Variants in FAT4 observed in about 807,000 individuals in gnomAD.
FAT4 encodes the protein FAT atypical cadherin 4.
A neutral mutation model predicts 303.9 loss-of-function variants in FAT4; 84 were observed. That is an observed-to-expected ratio of 0.28 (90% CI 0.23 to 0.33). The LOEUF is 0.33. Ranked by LOEUF, FAT4 falls within the 10% of genes least tolerant of loss-of-function variation. The pLI, the probability that FAT4 is intolerant of heterozygous loss-of-function variation, is 1.00. For missense variants in FAT4, 6,005 were observed against 6,146.8 expected, an observed-to-expected ratio of 0.98 and a Z score of 0.77; for synonymous variants, 2,307 against 2,298.8, an observed-to-expected ratio of 1.00 and a Z score of -0.10.
intron 2 of FAT4, among the ~76,000 whole-genome samples, chr4:125,364,192 T>C (rs1732776124): frequency 1.3e-5 from 2 of 152,062 alleles, no homozygotes. Context: ...GCTTCCCCTC[T>C]TTCATCCTCC....
At chr4:125,384,234 A>T (rs540039640) in intron 2 of FAT4, among the ~76,000 whole-genome samples, 1 of 152,332 alleles carries the variant, frequency 6.6e-6, no homozygotes, top group South Asian at 2.1e-4. Context: ...TAACATATTG[A>T]GGAACTGCCA....
chr4:125,407,257 A>G (rs1734655563), intron 4 of FAT4, 116 bp downstream of exon 4: 3 of 853,746 alleles, frequency 3.5e-6, no homozygotes, highest in Non-Finnish European at 5.5e-6. Flanking sequence ...ACTACTAGTT[A>G]TAAAAATATA....
chr4:125,395,066 A>T (rs1273624609), intron 2 of FAT4, among the ~76,000 whole-genome samples: 1 of 152,196 alleles, frequency 6.6e-6, no homozygotes, highest in African/African-American at 2.4e-5. Flanking sequence ...TTCTTGGTAG[A>T]TAAAACCATG....
intron 2 of FAT4, chr4:125,393,972 G>A (rs1490414233): frequency 3.8e-6 from 3 of 780,124 alleles, no homozygotes; most frequent in Non-Finnish European, 7.2e-6. Flanking sequence ...TGATACCTTA[G>A]CTCAACCATT....
chr4:125,401,490 C>T (rs1156857894), intron 3 of FAT4, among the ~76,000 whole-genome samples: 2 of 151,952 alleles, frequency 1.3e-5, no homozygotes, highest in South Asian at 2.1e-4. Context: ...TTATGTAGGT[C>T]ATCAGCCAAT....
At chr4:125,440,604 T>TGA (rs1263364626) in intron 8 of FAT4, among the ~76,000 whole-genome samples, 64 of 35,588 alleles carry the variant, frequency 1.8e-3, no homozygotes, top group African/African-American at 5.5e-3. Flanking sequence ...TGTGTGTGTG[T>TGA]GTGTGTGAGA....
In FAT4 at chr4:125,415,343, C is replaced by A; in HGVS notation, c.6380C>A (p.Thr2127Lys). ...VSNYTLTVVA[T>K]DKGQPSLSSS... ...AATTATACTCTAACAGTGGTGGCTA[C>A]AGACAAAGGTCAACCATCTCTCTCT... The change falls in exon 6 of 18, where the codon ACA becomes AAA. Residue 2127 changes from threonine (T) to lysine (K), a missense_variant. Thr to Lys is a moderately conservative substitution (Grantham distance 78, BLOSUM62 -1). Coordinates refer to ENST00000394329, the MANE Select transcript of FAT4 (RefSeq NM_001291303.3). 1 of 1,614,014 alleles carries A rather than the reference C, an allele frequency of 6.2e-7. No homozygotes were observed. The highest frequency in any genetic ancestry group is 8.5e-7 in the Non-Finnish European group (1 of 1,179,962).
chr4:125,381,986 A>G (rs1733559581), intron 2 of FAT4, among the ~76,000 whole-genome samples: 1 of 152,200 alleles, frequency 6.6e-6, no homozygotes, highest in African/African-American at 2.4e-5. Flanking sequence ...TTCTAGTTTT[A>G]TCTTGTGACT....
chr4:125,416,672 A>T (rs762252931), intron 7 of FAT4, 50 bp downstream of exon 7: 5 of 1,584,770 alleles, frequency 3.2e-6, no homozygotes. Flanking sequence ...TAGGCCAGGC[A>T]CGGTGGCTCA....
At position 125,422,298 on chromosome 4, in the gene FAT4, G is replaced by A. The variant is rs555604437; in HGVS notation, c.7018+5676G>A. ...AATCAAACTATGGTGCTAATTTAAT[G>A]CACTTTATAAATAAGTTCTGATTAC... On this transcript the variant is annotated intron_variant, in intron 7 of 17. Coordinates refer to ENST00000394329, the MANE Select transcript of FAT4 (RefSeq NM_001291303.3). 3.9e-5 allele frequency among the ~76,000 whole-genome samples: 6 copies of A among 152,256 alleles called. No homozygotes were observed. In the South Asian group the frequency reaches 1.0e-3, roughly 26 times the overall value.
chr4:125,408,160 G>T (rs937678954), intron 4 of FAT4, among the ~76,000 whole-genome samples: 2 of 152,038 alleles, frequency 1.3e-5, no homozygotes, highest in Non-Finnish European at 2.9e-5. Context: ...TTTATGGATA[G>T]GTACTGCTAG....
chr4:125,315,481 G>C lies in FAT4; in HGVS notation c.-509G>C, dbSNP rs1023676454. Among the ~76,000 whole-genome samples the C allele has an allele frequency of 6.6e-6, 1 of 152,218 alleles. No individual in the cohort carries two copies. Among genetic ancestry groups the C allele is most frequent in the Non-Finnish European group, 1.5e-5 (1 of 68,050 alleles). ...TGGCATGGTGAGGGGAGGGCGACTCGGGGACCGCACGCTGTTTCTGCCCGA... is the reference window on the plus strand; with the variant it reads ...TGGCATGGTGAGGGGAGGGCGACTCCGGGACCGCACGCTGTTTCTGCCCGA... On this transcript the variant is annotated 5_prime_UTR_variant, in exon 1 of 18. Transcript: ENST00000394329.
intron 2 of FAT4, among the ~76,000 whole-genome samples, chr4:125,357,767 G>A (rs1732491977): frequency 6.6e-6 from 1 of 152,092 alleles, no homozygotes. Context: ...CTTTACAAAG[G>A]GCTCAGACCT....
At chr4:125,344,814 C>A (rs1578542828) in intron 2 of FAT4, among the ~76,000 whole-genome samples, 1 of 152,028 alleles carries the variant, frequency 6.6e-6, no homozygotes, top group East Asian at 1.9e-4. Context: ...AACTGTCCCC[C>A]CTGCCCCCCA....
chr4:125,425,719 G>A (rs1230454751), intron 7 of FAT4, among the ~76,000 whole-genome samples: 1 of 152,004 alleles, frequency 6.6e-6, no homozygotes, highest in Non-Finnish European at 1.5e-5. Flanking sequence ...ATTGAATTTG[G>A]GGGTAGGAGA....
In FAT4 at chr4:125,446,338, G is replaced by T. The variant is rs752651207; in HGVS notation, c.7245G>T (p.Ser2415=). 1.7e-5 allele frequency: 27 copies of T among 1,613,012 alleles called. No individual in the cohort carries two copies. The highest frequency in any genetic ancestry group is 2.2e-5 in the Non-Finnish European group (26 of 1,179,258). ...ACTCTCAGTTCACGATCAACCCATC[G>T]ACAGGACAAATCATCACCAGCGCAT... The part of the protein sequence containing the change: ...GGNSQFTINP[S]TGQIITSALL... The change falls in exon 9 of 18, where the codon TCG becomes TCT. Residue 2415 remains serine (S), a synonymous_variant. Coordinates refer to ENST00000394329, the MANE Select transcript of FAT4 (RefSeq NM_001291303.3).
chr4:125,360,912 TATTA>T (rs903785429), intron 2 of FAT4, among the ~76,000 whole-genome samples: 5 of 142,180 alleles, frequency 3.5e-5, no homozygotes, highest in Non-Finnish European at 7.7e-5. Flanking sequence ...TTTATTTATT[TATTA>T]TTTATTTTAT....
intron 7 of FAT4, among the ~76,000 whole-genome samples, chr4:125,429,730 A>G (rs1444514217): frequency 1.3e-5 from 2 of 152,296 alleles, no homozygotes; most frequent in Middle Eastern, 3.4e-3. Flanking sequence ...ATTTAGATAT[A>G]AATATATGAG....
Position 125,490,402 on chromosome 4 carries a change from A to C in FAT4, c.13586A>C (p.Asn4529Thr). 2 of 1,614,072 alleles carry C rather than the reference A, an allele frequency of 1.2e-6. No homozygotes were observed. The highest frequency in any genetic ancestry group is 1.6e-4 in the Middle Eastern group (1 of 6,062). Residue 4529 changes from asparagine (N) to threonine (T), a missense_variant, in exon 18 of 18, where the codon AAC (asparagine) becomes ACC (threonine). Asn to Thr is a moderately conservative substitution (Grantham distance 65). Transcript: ENST00000394329. ...CTGGTCCTTAGCCTGATCCTGTGTA[A>C]CCAGTGCAGGGGGAAGAAGGCCAAA... ...ALLVLSLILCNQCRGKKAKNP... is the reference protein window; with the variant it reads ...ALLVLSLILCTQCRGKKAKNP...
Sources: allele counts gnomAD v4.1 joint callset (sites outside exome capture counted in the v4.1 genomes callset), GRCh38; gene constraint gnomAD v4.1.1; transcripts MANE v1.5; gene names NCBI Gene and HGNC (gene_info 2026-07-23, HGNC 2026-07-21).